The following ZNF705B variants were observed in gnomAD, a reference collection of about 807,000 sequenced individuals.
ZNF705B encodes the protein zinc finger protein 705B.
In ZNF705B, 1 loss-of-function variant was observed where a neutral mutation model predicts 10.5. That is an observed-to-expected ratio of 0.10 (90% CI 0.03 to 0.45). The LOEUF (loss-of-function observed/expected upper bound fraction) is 0.45. Among genes scored for constraint, ZNF705B ranks in the 20% least tolerant of loss-of-function variants. The pLI, the probability that ZNF705B is intolerant of heterozygous loss-of-function variation, is 0.97. For synonymous variants in ZNF705B, 4 were observed against 25.4 expected (o/e 0.16, Z 2.53); for missense variants, 14 against 84.0 (o/e 0.17, Z 3.26).
chr8:7,930,844 TTG>T (rs1467960568), intron 2 of ZNF705B, among the ~76,000 whole-genome samples: 5 of 98,448 alleles, frequency 5.1e-5, no homozygotes, highest in African/African-American at 8.3e-5. Context: ...GTTATTTTTT[TTG>T]TTTTTTTTTT....
intron 2 of ZNF705B, among the ~76,000 whole-genome samples, chr8:7,931,409 C>T (rs1274617399): frequency 8.2e-6 from 1 of 121,750 alleles, no homozygotes; most frequent in Non-Finnish European, 2.0e-5. Context: ...TCTCAGGAGA[C>T]ACACAGGTAC....
At chr8:7,936,624 G>A (rs1244707095) in intron 2 of ZNF705B, among the ~76,000 whole-genome samples, 2 of 119,458 alleles carry the variant, frequency 1.7e-5, no homozygotes, top group African/African-American at 5.1e-5. Flanking sequence ...TCAAGAACAG[G>A]AAGACAAATA....
At chr8:7,928,949 G>T (rs1171010178) in intron 1 of ZNF705B, among the ~76,000 whole-genome samples, 6 of 112,966 alleles carry the variant, frequency 5.3e-5, no homozygotes, top group African/African-American at 1.5e-4. Context: ...GACTCAGAAG[G>T]CCGCAGGGCT....
intron 1 of ZNF705B, among the ~76,000 whole-genome samples, chr8:7,926,974 T>C (rs1381147529): frequency 8.6e-6 from 1 of 116,856 alleles, no homozygotes; most frequent in African/African-American, 2.5e-5. Context: ...TGCATTGACT[T>C]GCTCAGAGAA....
intron 2 of ZNF705B, among the ~76,000 whole-genome samples, chr8:7,933,966 T>C (rs1819926201): frequency 1.6e-5 from 2 of 123,542 alleles, no homozygotes; most frequent in South Asian, 3.2e-4. Flanking sequence ...TTTGAGACAG[T>C]GTCTTACTCT....
intron 2 of ZNF705B, among the ~76,000 whole-genome samples, chr8:7,937,558 A>G (rs1303098246): frequency 8.4e-6 from 1 of 119,574 alleles, no homozygotes; most frequent in African/African-American, 2.6e-5. Context: ...CTGGGGTTAT[A>G]TATGTAAGAC....
Position 7,929,278 on chromosome 8 carries a change from T to A in ZNF705B, c.-221-1009T>A, listed in dbSNP as rs1457444615. Among the ~76,000 whole-genome samples the A allele has an allele frequency of 4.9e-5, 6 of 121,798 alleles. No homozygotes were observed. The Admixed American group carries it at 5.6e-4, about 11-fold the overall frequency. The allele number at this position is 121,798 out of a possible 152,430, so 79.9% of individuals were successfully genotyped here. ...TGCAATTTTAATCAAAATGCAATTT[T>A]AAAATAGCTGCCCTTACATGGTCTG... On this transcript the variant is annotated intron_variant, in intron 1 of 6. Coordinates refer to ENST00000400120, the MANE Select transcript of ZNF705B (RefSeq NM_001193630.1).
At chr8:7,931,773 C>T (rs1323403810) in intron 2 of ZNF705B, among the ~76,000 whole-genome samples, 1 of 130,986 alleles carries the variant, frequency 7.6e-6, no homozygotes, top group Non-Finnish European at 1.8e-5. Context: ...AGAGTGCCTG[C>T]TTCAGCTCCC....
chr8:7,940,322 T>A (rs1350236820), intron 2 of ZNF705B, among the ~76,000 whole-genome samples: 9 of 148,414 alleles, frequency 6.1e-5, no homozygotes, highest in African/African-American at 1.5e-4. Flanking sequence ...AAGGTGTACA[T>A]CTCAGTGAGC....
In ZNF705B at chr8:7,936,663, C is replaced by T. The variant is rs549193039; in HGVS notation, c.-72+6227C>T. Among the ~76,000 whole-genome samples the T allele has an allele frequency of 7.8e-3, 920 of 118,148 alleles. 253 individuals carry two copies. Among genetic ancestry groups the T allele is most frequent in the South Asian group, 0.02 (69 of 3,470 alleles). 77.5% of individuals were successfully genotyped at this position (118,148 alleles called of 152,430 possible). On this transcript the variant is annotated intron_variant, in intron 2 of 6. Coordinates refer to ENST00000400120, the MANE Select transcript of ZNF705B (RefSeq NM_001193630.1). The stretch of plus-strand genomic sequence containing the variant: ...CATATTCTCAGTTATAAGGGGGAGC[C>T]GAGCAATGAGTGCACATGGACATAA...
In ZNF705B at chr8:7,930,404, T is replaced by G. The variant is rs1163808081; in HGVS notation, c.-104T>G. On this transcript the variant is annotated 5_prime_UTR_variant, in exon 2 of 7. Transcript: ENST00000400120. The stretch of plus-strand genomic sequence containing the variant: ...ATGACACTGCTGTTCCTTCTCTTTC[T>G]CCTTCTTGGATGTCTGATACAAACA... 1 of 76,844 alleles carries G rather than the reference T, an allele frequency of 1.3e-5. No homozygotes were observed. Among genetic ancestry groups the G allele is most frequent in the Non-Finnish European group, 3.2e-5 (1 of 31,490 alleles). The allele number at this position is 76,844 out of a possible 1,614,324, so 4.8% of individuals were successfully genotyped here.
At position 7,927,809 on chromosome 8, in the gene ZNF705B, C is replaced by T. The variant is rs1244292660; in HGVS notation, c.-222+1412C>T. ...GTCTCTATTTTTGCAAAGACCACAG[C>T]TTACATCAGAGCTTGGCTGATTTCT... On this transcript the variant is annotated intron_variant, in intron 1 of 6. Transcript: ENST00000400120. Among the ~76,000 whole-genome samples the T allele has an allele frequency of 5.0e-4, 74 of 147,192 alleles. 1 individual carries two copies. The highest frequency in any genetic ancestry group is 1.7e-3 in the African/African-American group (70 of 40,984).
At chr8:7,941,142 A>G (rs1469330684) in intron 2 of ZNF705B, among the ~76,000 whole-genome samples, 2 of 147,222 alleles carry the variant, frequency 1.4e-5, no homozygotes, top group Non-Finnish European at 3.0e-5. Context: ...TAGTGCTGCA[A>G]TGAACATATG....
At chr8:7,941,079 C>G (rs1177979876) in intron 2 of ZNF705B, among the ~76,000 whole-genome samples, 1 of 149,160 alleles carries the variant, frequency 6.7e-6, no homozygotes, top group African/African-American at 2.4e-5. Flanking sequence ...TTTCTTTATC[C>G]AGTCTGTCAC....
intron 2 of ZNF705B, among the ~76,000 whole-genome samples, chr8:7,934,215 C>T (rs1466245200): frequency 1.3e-3 from 189 of 140,488 alleles, no homozygotes; most frequent in Non-Finnish European, 2.5e-3. Flanking sequence ...GCTAGGATTA[C>T]AGGCATGAGT....
At position 7,929,782 on chromosome 8, in the gene ZNF705B, C is replaced by T. The variant is rs370787489; in HGVS notation, c.-221-505C>T. On this transcript the variant is annotated intron_variant, in intron 1 of 6. Transcript: ENST00000400120. The stretch of plus-strand genomic sequence containing the variant: ...GAAGAAGCATCACCACTAAAGGATG[C>T]TTTATTTTATTTCTGAAAGGCATTT... 1.8e-4 allele frequency among the ~76,000 whole-genome samples: 19 copies of T among 107,164 alleles called. No homozygotes were observed. The East Asian group carries it at 4.0e-3, about 23-fold the overall frequency. The allele number at this position is 107,164 out of a possible 152,430, so 70.3% of individuals were successfully genotyped here.
At chr8:7,937,186 A>C (rs1820039509) in intron 2 of ZNF705B, among the ~76,000 whole-genome samples, 1 of 117,774 alleles carries the variant, frequency 8.5e-6, no homozygotes, top group African/African-American at 2.6e-5. Context: ...GAAGCAGATG[A>C]TAGGGACAGC....
chr8:7,930,207 T>C (rs1819804900), intron 1 of ZNF705B, 80 bp from the exon 2 acceptor site: 1 of 118,654 alleles, frequency 8.4e-6, no homozygotes, highest in African/African-American at 2.6e-5. Context: ...TGCTTACCTC[T>C]TATTTATAAG....
At chr8:7,930,767 C>G (rs1438626774) in intron 2 of ZNF705B, among the ~76,000 whole-genome samples, 4 of 114,848 alleles carry the variant, frequency 3.5e-5, no homozygotes, top group African/African-American at 1.0e-4. Context: ...AACGACAACA[C>G]TAATACTAAT....
Sources: gnomAD v4.1 joint callset for allele counts (sites outside exome capture counted in the v4.1 genomes callset) on GRCh38, gnomAD v4.1.1 for gene constraint, MANE v1.5 for transcripts, NCBI Gene and HGNC (gene_info 2026-07-23, HGNC 2026-07-21) for gene names.